The following LRRC7 variants were observed in gnomAD, a reference collection of about 807,000 sequenced individuals.
LRRC7 encodes the protein leucine-rich repeat-containing protein 7.
LRRC7 carries 23 observed loss-of-function variants against 175.7 expected under a neutral mutation model. That is an observed-to-expected ratio of 0.13 (90% CI 0.09 to 0.19). The LOEUF is 0.19. Among genes scored for constraint, LRRC7 ranks in the 10% least tolerant of loss-of-function variants. LRRC7 has a pLI of 1.00. For missense variants in LRRC7, 1,354 were observed against 1,904.7 expected (o/e 0.71, Z 5.38); for synonymous variants, 685 against 680.9 (o/e 1.01, Z -0.09).
intron 2 of LRRC7, among the ~76,000 whole-genome samples, chr1:69,708,044 A>G (rs890976621): frequency 9.2e-5 from 14 of 152,194 alleles, no homozygotes; most frequent in African/African-American, 3.4e-4. Context: ...CATGTTCAGT[A>G]AAATTGGTCA....
intron 7 of LRRC7, among the ~76,000 whole-genome samples, chr1:69,858,952 A>C (rs1187862541): frequency 2.0e-5 from 3 of 152,274 alleles, no homozygotes; most frequent in Non-Finnish European, 1.5e-5. Flanking sequence ...AATTGCAAAT[A>C]TATACGAACT....
intron 7 of LRRC7, among the ~76,000 whole-genome samples, chr1:69,898,798 A>G (rs1323800981): frequency 6.6e-6 from 1 of 152,234 alleles, no homozygotes; most frequent in Non-Finnish European, 1.5e-5. Flanking sequence ...ATTCACTGAC[A>G]CCAGAAAGGA....
chr1:70,103,985 T>C (rs921309641), intron 25 of LRRC7, among the ~76,000 whole-genome samples: 1 of 152,216 alleles, frequency 6.6e-6, no homozygotes, highest in Non-Finnish European at 1.5e-5. Flanking sequence ...TAATTTGTCC[T>C]TCATTTAGCA....
intron 14 of LRRC7, among the ~76,000 whole-genome samples, chr1:70,018,262 A>C (rs1009642112): frequency 1.3e-5 from 2 of 152,074 alleles, no homozygotes; most frequent in Non-Finnish European, 2.9e-5. Context: ...GTCTTTGGCT[A>C]TAAAAATATC....
intron 7 of LRRC7, among the ~76,000 whole-genome samples, chr1:69,868,424 T>C (rs1169521027): frequency 2.0e-5 from 3 of 152,112 alleles, no homozygotes; most frequent in Non-Finnish European, 2.9e-5. Flanking sequence ...TGGAAAGATA[T>C]TGATTAAACT....
intron 2 of LRRC7, among the ~76,000 whole-genome samples, chr1:69,720,597 C>A (rs1036007639): frequency 6.8e-6 from 1 of 147,692 alleles, no homozygotes; most frequent in African/African-American, 2.5e-5. Flanking sequence ...TTTAGGATTT[C>A]TTTTAGTGCT....
intron 3 of LRRC7, among the ~76,000 whole-genome samples, chr1:69,771,290 T>G (rs1410290660): frequency 6.6e-6 from 1 of 152,160 alleles, no homozygotes; most frequent in Non-Finnish European, 1.5e-5. Flanking sequence ...AAAACATAGT[T>G]TGCATGTGGA....
chr1:70,007,160 A>G (rs981351589), intron 11 of LRRC7, among the ~76,000 whole-genome samples: 3 of 152,154 alleles, frequency 2.0e-5, no homozygotes, highest in Non-Finnish European at 4.4e-5. Flanking sequence ...TCTAATCACA[A>G]GGTGGTTCCC....
Position 70,124,428 on chromosome 1 carries a change from A to G in LRRC7, c.*2541A>G, listed in dbSNP as rs532046362. The stretch of plus-strand genomic sequence containing the variant: ...TCCCAGCTATTTGGGAGGCTGAGGC[A>G]TGAGAATCAATCGCTTGACCTGGGA... On this transcript the variant is annotated 3_prime_UTR_variant, in exon 27 of 27. Transcript: ENST00000651989. 2.9e-4 allele frequency among the ~76,000 whole-genome samples: 44 copies of G among 152,302 alleles called. No homozygotes were observed. The highest frequency in any genetic ancestry group is 5.1e-4 in the Non-Finnish European group (35 of 68,032).
rs572083297 is a variant in LRRC7 at position 69,719,951 on chromosome 1, A to G, written c.101-40240A>G. 7.9e-5 allele frequency among the ~76,000 whole-genome samples: 12 copies of G among 151,730 alleles called. No homozygotes were observed. The South Asian group carries it at 2.5e-3, about 31-fold the overall frequency. On this transcript the variant is annotated intron_variant, in intron 2 of 26. Transcript: ENST00000651989. The stretch of plus-strand genomic sequence containing the variant: ...AAACACTGCCAACTTACATTTGGTT[A>G]ATATTTGCATGGCTTTTCTTTGTGC...
At chr1:69,665,910 G>T (rs1351996185) in intron 1 of LRRC7, among the ~76,000 whole-genome samples, 6 of 151,912 alleles carry the variant, frequency 3.9e-5, no homozygotes, top group Non-Finnish European at 8.8e-5. Context: ...CCTGATCTTA[G>T]AAAAAGGCTT....
At chr1:69,699,221 A>C (rs1206180665) in intron 2 of LRRC7, among the ~76,000 whole-genome samples, 1 of 152,170 alleles carries the variant, frequency 6.6e-6, no homozygotes, top group Non-Finnish European at 1.5e-5. Context: ...AGTTCAAACT[A>C]CTGTGAGCTA....
chr1:69,722,251 C>G (rs1055896670), intron 2 of LRRC7, among the ~76,000 whole-genome samples: 2 of 151,928 alleles, frequency 1.3e-5, no homozygotes, highest in Non-Finnish European at 2.9e-5. Flanking sequence ...TATATGCTCA[C>G]AGAAAAACTT....
Position 70,039,781 on chromosome 1 carries a change from A to G in LRRC7, c.3957A>G (p.Arg1319=), listed in dbSNP as rs1016015015. The change falls in exon 21 of 27, where the codon AGA becomes AGG. Residue 1319 remains arginine, a synonymous_variant. Transcript: ENST00000651989. ...AGCTGCTTAGACATATAGAAGCTAG[A>G]CGGTTAGACAGGGTATGTCTGGTGT... ...RQQLLRHIEA[R]RLDRNAAYKH... is the part of the protein sequence containing the mutation. 1.8e-5 allele frequency: 28 copies of G among 1,593,792 alleles called. No individual in the cohort carries two copies. Among genetic ancestry groups the G allele is most frequent in the Non-Finnish European group, 2.4e-5 (28 of 1,172,118 alleles).
intron 11 of LRRC7, among the ~76,000 whole-genome samples, chr1:69,998,641 T>C (rs969072862): frequency 1.3e-5 from 2 of 152,182 alleles, no homozygotes; most frequent in African/African-American, 2.4e-5. Context: ...TTATCCCTAC[T>C]TAACGTCATG....
intron 2 of LRRC7, among the ~76,000 whole-genome samples, chr1:69,756,392 G>A (rs1670429464): frequency 1.3e-5 from 2 of 151,790 alleles, no homozygotes; most frequent in Admixed American, 1.3e-4. Context: ...TTAACAGAAT[G>A]CAGGATAAAT....
chr1:69,919,490 G>A, intron 7 of LRRC7: 1 of 906,312 alleles, frequency 1.1e-6, no homozygotes, highest in Non-Finnish European at 1.8e-6. Context: ...AGCAGTGGCG[G>A]CAAAATCTGG....
intron 3 of LRRC7, among the ~76,000 whole-genome samples, chr1:69,787,181 AAG>A (rs991511955): frequency 1.3e-5 from 2 of 152,240 alleles, no homozygotes; most frequent in Non-Finnish European, 1.5e-5. Flanking sequence ...ACGCTGTTGC[AAG>A]AGGTGGGCTC....
chr1:70,071,013 C>T (rs1662341739), intron 23 of LRRC7, among the ~76,000 whole-genome samples: 2 of 152,286 alleles, frequency 1.3e-5, no homozygotes, highest in Admixed American at 6.5e-5. Flanking sequence ...TTGTGACATC[C>T]TCACAAGGGT....
Sources: allele counts gnomAD v4.1 joint callset (sites outside exome capture counted in the v4.1 genomes callset), GRCh38; gene constraint gnomAD v4.1.1; transcripts MANE v1.5; gene names NCBI Gene and HGNC (gene_info 2026-07-23, HGNC 2026-07-21).